ASIC2: variants seen among roughly 807,000 people sequenced by gnomAD.
ASIC2 encodes the protein acid sensing ion channel subunit 2.
In ASIC2, 25 loss-of-function variants were observed where a neutral mutation model predicts 57.3. The ratio of observed to expected loss-of-function variants is 0.44; its 90% CI spans 0.32 to 0.61. ASIC2 has a LOEUF of 0.61. Ranked by LOEUF, ASIC2 falls within the 20% of genes least tolerant of loss-of-function variation. The pLI, the probability that ASIC2 is intolerant of heterozygous loss-of-function variation, is 0.06. For missense variants in ASIC2, 641 were observed against 738.1 expected, an observed-to-expected ratio of 0.87 and a Z score of 1.52; for synonymous variants, 319 against 307.5, an observed-to-expected ratio of 1.04 and a Z score of -0.39.
chr17:33,211,468 A>C (rs989464571), intron 1 of ASIC2, among the ~76,000 whole-genome samples: 1 of 151,818 alleles, frequency 6.6e-6, no homozygotes, highest in South Asian at 2.1e-4. Flanking sequence ...AGGTGACCCC[A>C]GGGATCTGAG....
intron 1 of ASIC2, among the ~76,000 whole-genome samples, chr17:33,220,785 G>A (rs1022612411): frequency 6.6e-6 from 1 of 152,120 alleles, no homozygotes; most frequent in Non-Finnish European, 1.5e-5. Flanking sequence ...TCCAGATGTA[G>A]GGCCAGGCGC....
chr17:33,533,130 G>A lies in ASIC2; in HGVS notation c.556-421063C>T, dbSNP rs182278488. Among the ~76,000 whole-genome samples, 169 of 152,268 alleles carry A rather than the reference G, an allele frequency of 1.1e-3. 1 individual carries two copies. The highest frequency in any genetic ancestry group is 4.0e-3 in the African/African-American group (165 of 41,552). On this transcript the variant is annotated intron_variant, in intron 1 of 9. Transcript: ENST00000359872. The stretch of plus-strand genomic sequence containing the variant: ...GGAGGCTGAGGCAGGCAGATTGCCT[G>A]AGGTCAGGAGTTCAAGACCAGCCTG...
chr17:33,506,613 G>C (rs1014056999), intron 1 of ASIC2, among the ~76,000 whole-genome samples: 1 of 152,292 alleles, frequency 6.6e-6, no homozygotes, highest in Middle Eastern at 3.4e-3. Context: ...ACAATCTGTA[G>C]TGTAGCATTA....
intron 1 of ASIC2, among the ~76,000 whole-genome samples, chr17:33,358,268 T>C (rs758218152): frequency 5.9e-5 from 9 of 152,220 alleles, no homozygotes; most frequent in South Asian, 2.1e-4. Flanking sequence ...AGAAGAATAG[T>C]TGAGTCAGAG....
chr17:33,477,242 A>G (rs1273194674), intron 1 of ASIC2, among the ~76,000 whole-genome samples: 1 of 152,122 alleles, frequency 6.6e-6, no homozygotes, highest in Non-Finnish European at 1.5e-5. Context: ...TTCTCCCCCA[A>G]ATTGATGTCT....
At chr17:34,032,855 T>G (rs973995837) in intron 1 of ASIC2, among the ~76,000 whole-genome samples, 2 of 152,158 alleles carry the variant, frequency 1.3e-5, no homozygotes, top group Admixed American at 1.3e-4. Flanking sequence ...GTACCCAGAT[T>G]CATAAAGTAA....
intron 1 of ASIC2, among the ~76,000 whole-genome samples, chr17:34,052,766 G>A (rs1037424404): frequency 6.6e-5 from 10 of 151,896 alleles, no homozygotes; most frequent in Non-Finnish European, 1.0e-4. Context: ...ACAGATGCTT[G>A]CCATCATGCC....
intron 1 of ASIC2, among the ~76,000 whole-genome samples, chr17:33,950,321 C>T (rs1027005210): frequency 6.6e-6 from 1 of 152,232 alleles, no homozygotes; most frequent in African/African-American, 2.4e-5. Flanking sequence ...AGCTGACCTA[C>T]AGGAGGACCA....
At chr17:33,688,474 T>C (rs1403098179) in intron 1 of ASIC2, among the ~76,000 whole-genome samples, 3 of 152,212 alleles carry the variant, frequency 2.0e-5, no homozygotes, top group Non-Finnish European at 4.4e-5. Flanking sequence ...ATGTACTTAA[T>C]GGAGCAGGAG....
intron 1 of ASIC2, among the ~76,000 whole-genome samples, chr17:33,246,332 G>A (rs1008148169): frequency 6.6e-6 from 1 of 152,186 alleles, no homozygotes; most frequent in Non-Finnish European, 1.5e-5. Context: ...GGCAGGGAGA[G>A]AAACAGAACA....
chr17:33,257,545 C>T (rs1243883700), intron 1 of ASIC2, among the ~76,000 whole-genome samples: 2 of 152,208 alleles, frequency 1.3e-5, no homozygotes, highest in African/African-American at 4.8e-5. Flanking sequence ...AGGACAAGAG[C>T]CCAGAGTGGC....
rs146133489 is a variant in ASIC2, at chr17:33,889,237, C to A, written c.555+266741G>T. On this transcript the variant is annotated intron_variant, in intron 1 of 9. Coordinates refer to the ASIC2 transcript ENST00000359872. ...TGGAGAGCATCTGGTTCAACCCCCCCTCGTTTTTCAGATGAAGAACCTGCA... is the reference window on the plus strand; with the variant it reads ...TGGAGAGCATCTGGTTCAACCCCCCATCGTTTTTCAGATGAAGAACCTGCA... Among the ~76,000 whole-genome samples, 78 of 152,218 alleles carry A rather than the reference C, an allele frequency of 5.1e-4. No individual in the cohort carries two copies. In the East Asian group the frequency reaches 0.011, roughly 22 times the overall value.
chr17:33,786,331 G>C (rs1017009285), intron 1 of ASIC2, among the ~76,000 whole-genome samples: 8 of 152,154 alleles, frequency 5.3e-5, no homozygotes, highest in African/African-American at 1.9e-4. Context: ...AGGTAGAGGA[G>C]TGGGAAGGGT....
chr17:33,987,646 C>CAACCAACT (rs1293931918), intron 1 of ASIC2, among the ~76,000 whole-genome samples: 1 of 151,506 alleles, frequency 6.6e-6, no homozygotes, highest in Non-Finnish European at 1.5e-5. Flanking sequence ...ATTAGCCAAC[C>CAACCAACT]AACCAACTAA....
intron 1 of ASIC2, among the ~76,000 whole-genome samples, chr17:33,458,776 G>C (rs1912536498): frequency 6.6e-6 from 1 of 152,146 alleles, no homozygotes; most frequent in Non-Finnish European, 1.5e-5. Flanking sequence ...TAATTTCTAT[G>C]ATCTCTTCCA....
At chr17:34,038,320 A>C in intron 1 of ASIC2, 1 of 1,610,436 alleles carries the variant, frequency 6.2e-7, no homozygotes, top group South Asian at 1.1e-5. Context: ...ATACTGTACA[A>C]AACGAGTCAG....
chr17:34,144,108 C>T (rs1226644924), intron 1 of ASIC2, among the ~76,000 whole-genome samples: 1 of 152,092 alleles, frequency 6.6e-6, no homozygotes, highest in Admixed American at 6.5e-5. Flanking sequence ...CCAATTCTTC[C>T]ACTTTTCTAA....
chr17:33,547,889 A>C (rs1023718702), intron 1 of ASIC2, among the ~76,000 whole-genome samples: 2 of 152,188 alleles, frequency 1.3e-5, no homozygotes, highest in Non-Finnish European at 2.9e-5. Context: ...CTCAATGCCT[A>C]AAAGCAAAAC....
intron 1 of ASIC2, among the ~76,000 whole-genome samples, chr17:33,191,045 T>C (rs1906396293): frequency 6.6e-6 from 1 of 152,202 alleles, no homozygotes; most frequent in Non-Finnish European, 1.5e-5. Flanking sequence ...GCAGCTTTAT[T>C]TGTAGGAGCC....
Sources: allele counts gnomAD v4.1 joint callset (sites outside exome capture counted in the v4.1 genomes callset), GRCh38; gene constraint gnomAD v4.1.1; transcripts MANE v1.5; gene names NCBI Gene and HGNC (gene_info 2026-07-23, HGNC 2026-07-21).